The following EYS variants were observed in gnomAD, a reference collection of about 807,000 sequenced individuals.
EYS encodes EGF-like photoreceptor maintenance factor.
EYS carries 250 observed loss-of-function variants against 282.1 expected under a neutral mutation model. The observed-to-expected ratio is 0.89, with a 90% CI of 0.80 to 0.98. The LOEUF is 0.98. Ranked by LOEUF, EYS falls within the 50% of genes least tolerant of loss-of-function variation. EYS has a pLI of 0.00. For missense variants in EYS, 4,016 were observed against 3,709.0 expected, an observed-to-expected ratio of 1.08 and a Z score of -2.15; for synonymous variants, 1,355 against 1,282.9, an observed-to-expected ratio of 1.06 and a Z score of -1.20.
At chr6:64,658,312 G>A (rs1768838217) in intron 22 of EYS, among the ~76,000 whole-genome samples, 1 of 87,602 alleles carries the variant, frequency 1.1e-5, no homozygotes, top group Non-Finnish European at 2.3e-5. Flanking sequence ...TCCTCCTTTA[G>A]CTCGGAAGTT....
intron 36 of EYS, among the ~76,000 whole-genome samples, chr6:63,826,525 T>A (rs1021093951): frequency 3.3e-5 from 5 of 152,160 alleles, no homozygotes; most frequent in African/African-American, 1.2e-4. Context: ...GAAAAACCTA[T>A]CAGATTAACA....
At chr6:63,983,152 T>A (rs1767181486) in intron 35 of EYS, among the ~76,000 whole-genome samples, 1 of 151,708 alleles carries the variant, frequency 6.6e-6, no homozygotes, top group Non-Finnish European at 1.5e-5. Flanking sequence ...TCTCATTTAG[T>A]TCTTTAAATC....
At chr6:64,316,082 C>A (rs928005402) in intron 29 of EYS, among the ~76,000 whole-genome samples, 1 of 152,132 alleles carries the variant, frequency 6.6e-6, no homozygotes, top group Non-Finnish European at 1.5e-5. Flanking sequence ...ATAATAAGAG[C>A]AATTAATGAC....
intron 31 of EYS, among the ~76,000 whole-genome samples, chr6:64,156,390 T>C (rs1357467637): frequency 6.6e-6 from 1 of 152,076 alleles, no homozygotes; most frequent in African/African-American, 2.4e-5. Flanking sequence ...ACCTCTTTTT[T>C]TCCCCCAGTC....
intron 36 of EYS, among the ~76,000 whole-genome samples, chr6:63,823,547 A>C (rs887217030): frequency 3.3e-5 from 5 of 152,252 alleles, no homozygotes; most frequent in South Asian, 2.1e-4. Flanking sequence ...CTAAGAAAAA[A>C]ATTTCTCATT....
intron 31 of EYS, among the ~76,000 whole-genome samples, chr6:64,180,826 A>G (rs1282849399): frequency 6.6e-6 from 1 of 151,986 alleles, no homozygotes; most frequent in Non-Finnish European, 1.5e-5. Flanking sequence ...TTTATTTTAG[A>G]TTTGAGGATA....
chr6:65,552,568 A>G (rs1456360001), intron 2 of EYS, among the ~76,000 whole-genome samples: 1 of 152,114 alleles, frequency 6.6e-6, no homozygotes, highest in Non-Finnish European at 1.5e-5. Context: ...AATTTCTCAT[A>G]TATCGAGAAT....
At chr6:65,201,988 T>C (rs1430920713) in intron 12 of EYS, among the ~76,000 whole-genome samples, 1 of 152,144 alleles carries the variant, frequency 6.6e-6, no homozygotes, top group Non-Finnish European at 1.5e-5. Context: ...GACGCACACC[T>C]GTAGTCCCAG....
chr6:64,677,444 A>G (rs1282425018), intron 22 of EYS, among the ~76,000 whole-genome samples: 1 of 152,204 alleles, frequency 6.6e-6, no homozygotes, highest in Non-Finnish European at 1.5e-5. Flanking sequence ...ATCTAAGACC[A>G]AATTAAATCA....
At chr6:64,760,502 T>A (rs2149977990) in intron 22 of EYS, among the ~76,000 whole-genome samples, 1 of 151,810 alleles carries the variant, frequency 6.6e-6, no homozygotes, top group Non-Finnish European at 1.5e-5. Context: ...AGAGAGAGAG[T>A]GAGTCCGAAG....
chr6:65,347,894 C>T (rs1770461078), intron 9 of EYS, among the ~76,000 whole-genome samples: 2 of 151,274 alleles, frequency 1.3e-5, no homozygotes, highest in Non-Finnish European at 3.0e-5. Flanking sequence ...CCTTCCAAAC[C>T]TCTGGTAACC....
At chr6:64,668,543 CTTTTTTTTTTTTT>C (rs35765768) in intron 22 of EYS, among the ~76,000 whole-genome samples, 4 of 76,154 alleles carry the variant, frequency 5.3e-5, no homozygotes, top group Non-Finnish European at 7.2e-5. Context: ...TACCACAATT[CTTTTTTTTTTTTT>C]TTTTTTTTTT....
chr6:65,514,054 C>G (rs1002713879), intron 2 of EYS, among the ~76,000 whole-genome samples: 1 of 151,932 alleles, frequency 6.6e-6, no homozygotes, highest in Admixed American at 6.6e-5. Context: ...ATTGTCTCAG[C>G]CCAAAATCTC....
At chr6:63,817,539 C>T (rs1771210516) in intron 36 of EYS, among the ~76,000 whole-genome samples, 1 of 152,146 alleles carries the variant, frequency 6.6e-6, no homozygotes, top group African/African-American at 2.4e-5. Flanking sequence ...AGCTTCTCTT[C>T]CCCCCAGTCT....
At chr6:64,658,639 G>C (rs1458260590) in intron 22 of EYS, among the ~76,000 whole-genome samples, 1 of 152,176 alleles carries the variant, frequency 6.6e-6, no homozygotes, top group Non-Finnish European at 1.5e-5. Context: ...TGTTTGCCTG[G>C]GTATCAGCAG....
rs147715063 is a variant in EYS, at chr6:64,888,794, CT to C, written c.2847-1953del. Among the ~76,000 whole-genome samples, 63 of 152,068 alleles carry C rather than the reference CT, an allele frequency of 4.1e-4. 1 individual carries two copies. The East Asian group carries it at 0.012, about 28-fold the overall frequency. ...AATCAAGATATGTTTGTTAATAATA[CT>C]GTCTTTGCTACTTTGTGTTCTCACT... is the stretch of plus-strand genomic sequence containing the variant. On this transcript the variant is annotated intron_variant, in intron 18 of 42. Transcript: ENST00000503581.
intron 31 of EYS, among the ~76,000 whole-genome samples, chr6:64,126,419 G>A (rs1562214401): frequency 6.6e-6 from 1 of 150,904 alleles, no homozygotes; most frequent in African/African-American, 2.4e-5. Context: ...CAAGATTTGT[G>A]CACTTTCTGT....
chr6:65,322,969 G>A (rs1384731806), intron 11 of EYS, among the ~76,000 whole-genome samples: 1 of 151,736 alleles, frequency 6.6e-6, no homozygotes, highest in Non-Finnish European at 1.5e-5. Flanking sequence ...CTTTTGTGCA[G>A]ATAATACCCA....
chr6:64,743,464 A>G (rs958770624), intron 22 of EYS, among the ~76,000 whole-genome samples: 1 of 151,166 alleles, frequency 6.6e-6, no homozygotes, highest in Non-Finnish European at 1.5e-5. Flanking sequence ...ATTTACTGTC[A>G]ATTTTCAATT....
Sources: allele counts gnomAD v4.1 joint callset (sites outside exome capture counted in the v4.1 genomes callset), GRCh38; gene constraint gnomAD v4.1.1; transcripts MANE v1.5; gene names NCBI Gene and HGNC (gene_info 2026-07-23, HGNC 2026-07-21).